The following TMEM178A variants were observed in gnomAD, a reference collection of about 807,000 sequenced individuals.
TMEM178A encodes the protein transmembrane protein 178A, also known as transmembrane protein 178.
A neutral mutation model predicts 29.1 loss-of-function variants in TMEM178A; 12 were observed. The ratio of observed to expected loss-of-function variants is 0.41; its 90% confidence interval spans 0.26 to 0.67. The LOEUF (loss-of-function observed/expected upper bound fraction) is 0.67, where lower values mean the gene tolerates loss of function less well. Among genes scored for constraint, TMEM178A ranks in the 30% least tolerant of loss-of-function variants. TMEM178A has a pLI of 0.29. For missense variants in TMEM178A, 366 were observed against 419.1 expected (o/e 0.87, Z 1.11); for synonymous variants, 210 against 187.2 (o/e 1.12, Z -0.99).
intron 1 of TMEM178A, among the ~76,000 whole-genome samples, chr2:39,696,994 C>T (rs1273754466): frequency 6.6e-6 from 1 of 152,116 alleles, no homozygotes; most frequent in African/African-American, 2.4e-5. Flanking sequence ...TGTTCCTTTT[C>T]AGAGAGCCAG....
intron 1 of TMEM178A, among the ~76,000 whole-genome samples, chr2:39,688,332 C>T (rs923960984): frequency 2.7e-4 from 41 of 152,182 alleles, no homozygotes; most frequent in African/African-American, 8.9e-4. Flanking sequence ...AGACTTGGGT[C>T]GTGATTTAGA....
At chr2:39,713,152 AC>A (rs1250036816) in intron 3 of TMEM178A, among the ~76,000 whole-genome samples, 1 of 152,142 alleles carries the variant, frequency 6.6e-6, no homozygotes, top group Non-Finnish European at 1.5e-5. Flanking sequence ...GAAGTTCCTG[AC>A]CACATCAATG....
the TMEM178A span, among the ~76,000 whole-genome samples, chr2:39,724,028 C>T: frequency 6.6e-6 from 1 of 152,186 alleles, no homozygotes; most frequent in African/African-American, 2.4e-5. Flanking sequence ...GAATGCCAGA[C>T]CTATTTTTGT....
chr2:39,719,982 G>A (rs959364582), downstream of TMEM178A, among the ~76,000 whole-genome samples: 3 of 152,022 alleles, frequency 2.0e-5, no homozygotes, highest in East Asian at 1.9e-4. Context: ...ACAGACAAAG[G>A]TTTTTGCCCT....
chr2:39,730,054 C>CCT, the TMEM178A span, among the ~76,000 whole-genome samples: 1 of 152,196 alleles, frequency 6.6e-6, no homozygotes, highest in African/African-American at 2.4e-5. Flanking sequence ...TCTAGACATA[C>CCT]CTCTCTCTGA....
chr2:39,723,445 CTTAA>C, the TMEM178A span, among the ~76,000 whole-genome samples: 2 of 152,126 alleles, frequency 1.3e-5, no homozygotes, highest in African/African-American at 2.4e-5. Flanking sequence ...AAATAAAGCA[CTTAA>C]TTAATTCTAA....
At chr2:39,671,537 T>A (rs990609311) in intron 1 of TMEM178A, among the ~76,000 whole-genome samples, 1 of 152,180 alleles carries the variant, frequency 6.6e-6, no homozygotes, top group South Asian at 2.1e-4. Context: ...TCTGGGGATA[T>A]GATTAAGACT....
the TMEM178A span, among the ~76,000 whole-genome samples, chr2:39,732,043 A>C: frequency 6.6e-6 from 1 of 152,030 alleles, no homozygotes; most frequent in Non-Finnish European, 1.5e-5. Context: ...ACCTTATTTC[A>C]TGTTCCTGAC....
chr2:39,671,265 T>C (rs1300425936), intron 1 of TMEM178A, among the ~76,000 whole-genome samples: 2 of 152,230 alleles, frequency 1.3e-5, no homozygotes, highest in African/African-American at 4.8e-5. Context: ...CTGTTGCTTA[T>C]TTCCCATGAA....
chr2:39,702,695 G>A (rs1279091354), intron 1 of TMEM178A, among the ~76,000 whole-genome samples: 2 of 150,112 alleles, frequency 1.3e-5, no homozygotes, highest in East Asian at 2.0e-4. Flanking sequence ...AAAGAACTTC[G>A]AATTTTGAGA....
chr2:39,665,621 G>A, upstream of TMEM178A: 1 of 246,816 alleles, frequency 4.1e-6, no homozygotes, highest in East Asian at 7.1e-5. Flanking sequence ...CTGGAGAGGA[G>A]GGCGGACTGT....
chr2:39,735,181 C>T, the TMEM178A span, among the ~76,000 whole-genome samples: 1 of 152,180 alleles, frequency 6.6e-6, no homozygotes, highest in Admixed American at 6.5e-5. Flanking sequence ...CCACCTCTAC[C>T]TGCCACCCAT....
chr2:39,721,824 A>T (rs1170047520), downstream of TMEM178A, among the ~76,000 whole-genome samples: 4 of 151,824 alleles, frequency 2.6e-5, no homozygotes, highest in Non-Finnish European at 5.9e-5. Flanking sequence ...GCCTGTCTCT[A>T]TAAAAACATT....
intron 2 of TMEM178A, among the ~76,000 whole-genome samples, chr2:39,704,640 T>C (rs1221398605): frequency 4.6e-5 from 7 of 152,346 alleles, no homozygotes; most frequent in Non-Finnish European, 7.3e-5. Context: ...ATGTCATAAT[T>C]TTCTCAGAGG....
intron 1 of TMEM178A, among the ~76,000 whole-genome samples, chr2:39,684,816 AC>A (rs1314185480): frequency 1.3e-5 from 2 of 151,924 alleles, no homozygotes; most frequent in Non-Finnish European, 2.9e-5. Flanking sequence ...GTTCCTATAA[AC>A]AACCCTGTCC....
At chr2:39,724,147 GAAC>G in the TMEM178A span, among the ~76,000 whole-genome samples, 2 of 152,096 alleles carry the variant, frequency 1.3e-5, no homozygotes, top group Non-Finnish European at 1.5e-5. Context: ...TTCCCCCACA[GAAC>G]ATTATGAGAA....
intron 1 of TMEM178A, among the ~76,000 whole-genome samples, chr2:39,700,268 G>A (rs1671724622): frequency 6.6e-6 from 1 of 152,118 alleles, no homozygotes; most frequent in African/African-American, 2.4e-5. Context: ...TGAAATAGAA[G>A]TATTGATGTC....
At chr2:39,706,149 A>G (rs1287696390) in intron 2 of TMEM178A, among the ~76,000 whole-genome samples, 1 of 152,236 alleles carries the variant, frequency 6.6e-6, no homozygotes, top group Non-Finnish European at 1.5e-5. Flanking sequence ...ACACGTAGTC[A>G]GCCTACCTCT....
the TMEM178A span, among the ~76,000 whole-genome samples, chr2:39,732,988 G>A: frequency 2.6e-5 from 4 of 152,174 alleles, no homozygotes; most frequent in Non-Finnish European, 5.9e-5. Flanking sequence ...GTAAGAAGGG[G>A]AACCTAAGGA....
Sources: gnomAD v4.1 joint callset for allele counts (sites outside exome capture counted in the v4.1 genomes callset) on GRCh38, gnomAD v4.1.1 for gene constraint, MANE v1.5 for transcripts, NCBI Gene and HGNC (gene_info 2026-07-23, HGNC 2026-07-21) for gene names.